TRAPPC2L: variants seen among roughly 807,000 people sequenced by gnomAD.
TRAPPC2L encodes trafficking protein particle complex subunit 2L.
A neutral mutation model predicts 13.2 loss-of-function variants in TRAPPC2L; 17 were observed. The observed-to-expected ratio is 1.29, with a 90% CI of 0.88 to 1.93. The LOEUF is 1.93. TRAPPC2L is among the 30% of genes most tolerant of loss of function. The pLI, the probability that TRAPPC2L is intolerant of heterozygous loss-of-function variation, is 0.00. For synonymous variants in TRAPPC2L, 150 were observed against 98.1 expected (o/e 1.53, Z -3.12); for missense variants, 359 against 252.1 (o/e 1.42, Z -2.87).
At chr16:88,860,658 G>A in exon 4 of TRAPPC2L, 1 of 598,382 alleles carries the variant, frequency 1.7e-6, no homozygotes, top group Non-Finnish European at 3.0e-6. Flanking sequence ...CCACCGCTCT[G>A]CCTGCCCATG....
intron 2 of TRAPPC2L, 60 bp from the exon 3 acceptor site, chr16:88,859,603 C>T (rs769984926): frequency 6.6e-7 from 1 of 1,517,106 alleles, no homozygotes. Flanking sequence ...TGAGGGCCCA[C>T]AGAGGGCCCT....
At chr16:88,856,682 C>T, upstream of TRAPPC2L, 1 of 557,936 alleles carries the variant, frequency 1.8e-6, no homozygotes, top group East Asian at 3.3e-5. Context: ...CCTTCCCCCA[C>T]CTCGCTCCTC....
At chr16:88,862,612 C>T (rs1372697166) in exon 4 of TRAPPC2L, 1 of 59,048 alleles carries the variant, frequency 1.7e-5, no homozygotes, top group East Asian at 6.9e-4. Flanking sequence ...GACATACCAG[C>T]CCCAGACTAC....
At chr16:88,857,401 A>C in intron 1 of TRAPPC2L, 3 of 495,728 alleles carry the variant, frequency 6.1e-6, no homozygotes, top group East Asian at 3.6e-5. Context: ...TGCTGAACGC[A>C]CCCCTCGGCG....
At chr16:88,861,078 T>C in exon 4 of TRAPPC2L, 1 of 971,714 alleles carries the variant, frequency 1.0e-6, no homozygotes, top group Admixed American at 2.0e-5. Flanking sequence ...CAGGCAGCTG[T>C]GCATGTTCTC....
chr16:88,856,241 CG>C, upstream of TRAPPC2L: 1 of 703,050 alleles, frequency 1.4e-6, no homozygotes, highest in Non-Finnish European at 2.6e-6. Context: ...CAGAGACAGC[CG>C]TCAGGTAAGA....
At chr16:88,858,759 G>C (rs1477691199) in exon 2 of TRAPPC2L, 3 of 1,613,338 alleles carry the variant, frequency 1.9e-6, no homozygotes, top group Admixed American at 1.7e-5. Context: ...AGCTGTACCT[G>C]GGCCTGCTCT....
rs866414548 is a variant in TRAPPC2L at position 88,860,955 on chromosome 16, G to A, written c.*631G>A. ...GTGACGTCGATGATGATACAGGTGT[G>A]CTGAGTGAGCTGTGCTGCCAGCCAT... On this transcript the variant is annotated 3_prime_UTR_variant, in exon 4 of 4. Coordinates refer to ENST00000565504, the Ensembl canonical transcript of TRAPPC2L. The A allele has an allele frequency of 3.8e-6, 6 of 1,588,302 alleles. No individual in the cohort carries two copies. The East Asian group carries it at 1.4e-4, about 36-fold the overall frequency.
exon 4 of TRAPPC2L, chr16:88,860,048 C>A: frequency 7.5e-7 from 1 of 1,339,658 alleles, no homozygotes; most frequent in Non-Finnish European, 1.0e-6. Flanking sequence ...CAAAATGCAA[C>A]CATTTGGAAA....
upstream of TRAPPC2L, chr16:88,857,018 G>T: frequency 7.2e-7 from 1 of 1,392,664 alleles, no homozygotes; most frequent in South Asian, 1.6e-5. Context: ...AGGGACGGGA[G>T]GCGGGGCCTG....
At chr16:88,859,535 C>A in intron 2 of TRAPPC2L, 128 bp from the exon 3 acceptor site, 1 of 929,992 alleles carries the variant, frequency 1.1e-6, no homozygotes, top group Non-Finnish European at 1.8e-6. Flanking sequence ...ACGGCCACTG[C>A]AGGACCAGCC....
intron 1 of TRAPPC2L, among the ~76,000 whole-genome samples, chr16:88,857,826 A>G (rs1278756181): frequency 1.3e-5 from 2 of 152,066 alleles, no homozygotes; most frequent in African/African-American, 4.8e-5. Flanking sequence ...ACTGGAAAGC[A>G]TTTTCTGAAG....
In TRAPPC2L at chr16:88,858,765, G is replaced by T. The variant is rs762353553; in HGVS notation, c.180G>T (p.Leu60=). ...ACCAGAGGGAGCTGTACCTGGGCCT[G>T]CTCTACCCCACGGAGGACTACAAGG... Residue 60 remains leucine, a synonymous_variant, in exon 2 of 4, where the codon CTG becomes CTT. Transcript: ENST00000565504. The T allele has an allele frequency of 3.7e-6, 6 of 1,613,300 alleles. No individual in the cohort carries two copies. In the East Asian group the frequency reaches 1.1e-4, roughly 30 times the overall value.
rs1334143539 is a variant in TRAPPC2L, at chr16:88,859,974, T to C, written c.376T>C (p.Trp126Arg). ...CCCGGGGGACCGCATCCAGTCCAGG[T>C]GGGCCCTACTTTCTGTGTCTTGCCA... The change falls in exon 4 of 4, where the codon TGG (tryptophan) becomes CGG (arginine). Residue 126 changes from tryptophan (W) to arginine (R), a missense_variant. Transcript: ENST00000565504. The C allele has an allele frequency of 1.9e-5, 30 of 1,613,880 alleles. No individual in the cohort carries two copies. Among genetic ancestry groups the C allele is most frequent in the Non-Finnish European group, 2.5e-5 (29 of 1,179,956 alleles).
At chr16:88,859,930 T>C (rs1467954662) in exon 4 of TRAPPC2L, 7 of 1,543,512 alleles carry the variant, frequency 4.5e-6, no homozygotes, top group South Asian at 1.1e-5. Flanking sequence ...ACAGACGTGA[T>C]GTGCAACCCC....
At chr16:88,859,500 C>T (rs1968219512) in intron 2 of TRAPPC2L, 163 bp from the exon 3 acceptor site, 2 of 764,968 alleles carry the variant, frequency 2.6e-6, no homozygotes, top group South Asian at 2.8e-5. Flanking sequence ...GTCGCCCTAG[C>T]AAAGTATTTA....
At chr16:88,861,459 G>C (rs1968383373) in exon 4 of TRAPPC2L, 1 of 350,302 alleles carries the variant, frequency 2.9e-6, no homozygotes, top group Admixed American at 3.7e-5. Context: ...CTTTGCATCT[G>C]GCTCAATGTC....
upstream of TRAPPC2L, chr16:88,857,122 A>G (rs1208004046): frequency 2.6e-6 from 4 of 1,543,558 alleles, no homozygotes; most frequent in Non-Finnish European, 3.5e-6. Flanking sequence ...GGGTCACGTG[A>G]CGCGGTGCCT....
At chr16:88,861,632 G>A (rs1348319514) in exon 4 of TRAPPC2L, 10 of 497,004 alleles carry the variant, frequency 2.0e-5, no homozygotes, top group African/African-American at 1.9e-5. Flanking sequence ...TGTGTCACTT[G>A]ATGACGTGGC....
Sources: gnomAD v4.1 joint callset for allele counts (sites outside exome capture counted in the v4.1 genomes callset) on GRCh38, gnomAD v4.1.1 for gene constraint, MANE v1.5 for transcripts, NCBI Gene and HGNC (gene_info 2026-07-23, HGNC 2026-07-21) for gene names.